RAB11FIP3: variants seen among roughly 807,000 people sequenced by gnomAD.
RAB11FIP3 encodes RAB11 family interacting protein 3.
In RAB11FIP3, 17 loss-of-function variants were observed where a neutral mutation model predicts 77.8. The observed-to-expected ratio is 0.22, with a 90% CI of 0.15 to 0.33. The LOEUF is 0.33. Ranked by LOEUF, RAB11FIP3 falls within the 10% of genes least tolerant of loss-of-function variation. RAB11FIP3 has a pLI of 1.00. For missense variants in RAB11FIP3, 1,005 were observed against 1,011.2 expected (o/e 0.99, Z 0.08); for synonymous variants, 437 against 448.2 (o/e 0.98, Z 0.31).
chr16:474,760 C>A, intron 3 of RAB11FIP3: 1 of 1,328,408 alleles, frequency 7.5e-7, no homozygotes, highest in Non-Finnish European at 9.7e-7. Context: ...ACTCTGTTTT[C>A]AGCCCTGACT....
chr16:428,722 C>T (rs1013388600), intron 1 of RAB11FIP3, among the ~76,000 whole-genome samples: 1 of 152,052 alleles, frequency 6.6e-6, no homozygotes, highest in Non-Finnish European at 1.5e-5. Context: ...TCACAATATC[C>T]CTATTGTGAT....
chr16:492,258 A>G (rs11643250), intron 5 of RAB11FIP3, among the ~76,000 whole-genome samples: 1 of 151,972 alleles, frequency 6.6e-6, no homozygotes, highest in Non-Finnish European at 1.5e-5. Flanking sequence ...GTGCCCATTC[A>G]GGTGGAGAGG....
At chr16:468,299 A>AGGAGGTGCAGGGGCGTCAG (rs2055752511) in intron 2 of RAB11FIP3, among the ~76,000 whole-genome samples, 2 of 109,460 alleles carry the variant, frequency 1.8e-5, no homozygotes, top group Non-Finnish European at 3.8e-5. Context: ...GGCGTCAGGG[A>AGGAGGTGCAGGGGCGTCAG]GGAGGAGGTC....
chr16:475,759 C>G (rs369982838), intron 3 of RAB11FIP3, among the ~76,000 whole-genome samples: 1 of 152,138 alleles, frequency 6.6e-6, no homozygotes, highest in African/African-American at 2.4e-5. Context: ...GTGCAGTCAC[C>G]GAAGCCGCTG....
chr16:491,783 C>T (rs1700620240), intron 5 of RAB11FIP3, among the ~76,000 whole-genome samples: 1 of 152,164 alleles, frequency 6.6e-6, no homozygotes, highest in African/African-American at 2.4e-5. Context: ...GTGCTTTGCA[C>T]ATATTGACGT....
In RAB11FIP3 at chr16:522,044, T is replaced by TGTGTGCGCGCATGTGTGCGTGCATGC. The variant is rs58290701; in HGVS notation, c.*1205_*1206insGTGTGCGCGCATGTGTGCGTGCATGC. On this transcript the variant is annotated 3_prime_UTR_variant, in exon 14 of 14. Coordinates refer to ENST00000262305, the MANE Select transcript of RAB11FIP3 (RefSeq NM_014700.4). ...CGCTGCGTGTGTGTGCGCGCGCGTG[T>TGTGTGCGCGCATGTGTGCGTGCATGC]ACGTGTGGCCCCACATCCGCCGCCT... 2.6e-5 allele frequency: 4 copies of TGTGTGCGCGCATGTGTGCGTGCATGC among 151,732 alleles called. No homozygotes were observed. Among genetic ancestry groups the TGTGTGCGCGCATGTGTGCGTGCATGC allele is most frequent in the East Asian group, 3.9e-4 (2 of 5,122 alleles). 9.4% of individuals were successfully genotyped at this position (151,732 alleles called of 1,614,324 possible). A position where few individuals can be genotyped will look rare whatever the true frequency, so the allele number is the denominator to read the frequency against.
At chr16:449,446 T>G (rs1430711864) in intron 1 of RAB11FIP3, among the ~76,000 whole-genome samples, 3 of 152,060 alleles carry the variant, frequency 2.0e-5, no homozygotes, top group Non-Finnish European at 4.4e-5. Context: ...AGCTTACTTC[T>G]TCTTTGAGAC....
intron 1 of RAB11FIP3, among the ~76,000 whole-genome samples, chr16:428,008 G>A (rs888746837): frequency 1.3e-5 from 2 of 152,050 alleles, no homozygotes; most frequent in Non-Finnish European, 2.9e-5. Flanking sequence ...GGCTGAGGCA[G>A]GAGAATGGCG....
intron 2 of RAB11FIP3, among the ~76,000 whole-genome samples, chr16:469,976 A>AT (rs1326119084): frequency 1.3e-5 from 2 of 151,354 alleles, no homozygotes; most frequent in Admixed American, 6.6e-5. Context: ...TGTCCAGCTG[A>AT]TTTTTTTCTT....
At chr16:492,548 G>A (rs1328675785) in intron 5 of RAB11FIP3, among the ~76,000 whole-genome samples, 2 of 64,100 alleles carry the variant, frequency 3.1e-5, no homozygotes, top group Non-Finnish European at 4.9e-5. Flanking sequence ...CCAGAATCTT[G>A]GATTCCAAAG....
At chr16:436,128 G>A (rs1395092545) in intron 1 of RAB11FIP3, among the ~76,000 whole-genome samples, 1 of 152,130 alleles carries the variant, frequency 6.6e-6, no homozygotes, top group Non-Finnish European at 1.5e-5. Context: ...GGCTAACATG[G>A]TGAAACCCTG....
At chr16:456,973 C>G (rs1298451191) in intron 1 of RAB11FIP3, among the ~76,000 whole-genome samples, 1 of 151,786 alleles carries the variant, frequency 6.6e-6, no homozygotes, top group African/African-American at 2.4e-5. Flanking sequence ...CTCTCCCTGC[C>G]CACGCTGGCC....
intron 6 of RAB11FIP3, among the ~76,000 whole-genome samples, chr16:499,758 A>C (rs1344700529): frequency 2.8e-5 from 4 of 145,262 alleles, no homozygotes; most frequent in Admixed American, 7.2e-5. Flanking sequence ...AGATCACGCC[A>C]CTGCACTCTA....
At chr16:475,246 G>C in intron 3 of RAB11FIP3, 1 of 903,300 alleles carries the variant, frequency 1.1e-6, no homozygotes, top group Non-Finnish European at 1.5e-6. Flanking sequence ...CTGTCCGCTG[G>C]TGATTTAGGG....
At chr16:470,927 C>T (rs2055796362) in intron 2 of RAB11FIP3, among the ~76,000 whole-genome samples, 1 of 151,502 alleles carries the variant, frequency 6.6e-6, no homozygotes, top group African/African-American at 2.4e-5. Context: ...CTGATTGGTA[C>T]CTAACACTTT....
At chr16:498,868 G>T (rs1352921968) in intron 6 of RAB11FIP3, among the ~76,000 whole-genome samples, 2 of 149,806 alleles carry the variant, frequency 1.3e-5, no homozygotes, top group East Asian at 3.9e-4. Context: ...AGAGGTGAAC[G>T]TCATCATGCA....
Position 425,823 on chromosome 16 carries a change from G to A in RAB11FIP3, c.-184G>A, listed in dbSNP as rs2054928716. Reference sequence around the variant, plus strand: ...TGCGCCCGCCGCGCCGCCGGGCCGAGGGCAGCTGAGGCGCGGTGCGAAGAT... The same window carrying A: ...TGCGCCCGCCGCGCCGCCGGGCCGAAGGCAGCTGAGGCGCGGTGCGAAGAT... On this transcript the variant is annotated 5_prime_UTR_variant, in exon 1 of 14. Transcript: ENST00000262305. The A allele has an allele frequency of 6.4e-6, 2 of 312,898 alleles. No homozygotes were observed. Among genetic ancestry groups the A allele is most frequent in the Non-Finnish European group, 5.8e-6 (1 of 171,840 alleles). The allele number at this position is 312,898 out of a possible 1,614,324, so 19.4% of individuals were successfully genotyped here.
chr16:430,388 C>T, intron 1 of RAB11FIP3, among the ~76,000 whole-genome samples: 1 of 152,124 alleles, frequency 6.6e-6, no homozygotes, highest in African/African-American at 2.4e-5. Context: ...GCCACTGATT[C>T]TTTTCAGAGA....
intron 3 of RAB11FIP3, among the ~76,000 whole-genome samples, chr16:480,286 C>CAAAAAAAAAAAAAAAAAAAAAAAA (rs56228402): frequency 6.2e-5 from 5 of 80,022 alleles, no homozygotes; most frequent in African/African-American, 2.4e-4. Flanking sequence ...ACTCCTTCTC[C>CAAAAAAAAAAAAAAAAAAAAAAAA]AAAAAAAAAA....
Sources: allele counts gnomAD v4.1 joint callset (sites outside exome capture counted in the v4.1 genomes callset), GRCh38; gene constraint gnomAD v4.1.1; transcripts MANE v1.5; gene names NCBI Gene and HGNC (gene_info 2026-07-23, HGNC 2026-07-21).